NRXN3: variants seen among roughly 807,000 people sequenced by gnomAD.
NRXN3 encodes the protein neurexin III.
A neutral mutation model predicts 137.6 loss-of-function variants in NRXN3; 32 were observed. The ratio of observed to expected loss-of-function variants is 0.23; its 90% confidence interval spans 0.18 to 0.31. The LOEUF (loss-of-function observed/expected upper bound fraction) is 0.31, where lower values mean the gene tolerates loss of function less well. Ranked by LOEUF, NRXN3 falls within the 10% of genes least tolerant of loss-of-function variation. The pLI, the probability that NRXN3 is intolerant of heterozygous loss-of-function variation, is 1.00. For missense variants in NRXN3, 1,574 were observed against 2,062.5 expected, an observed-to-expected ratio of 0.76 and a Z score of 4.59; for synonymous variants, 798 against 784.5, an observed-to-expected ratio of 1.02 and a Z score of -0.29.
At chr14:78,371,834 AG>A (rs1567394108) in intron 4 of NRXN3, among the ~76,000 whole-genome samples, 1 of 152,264 alleles carries the variant, frequency 6.6e-6, no homozygotes, top group East Asian at 1.9e-4. Flanking sequence ...TATAGTGATA[AG>A]TATGCAGTAG....
chr14:79,158,552 T>C (rs900762263), intron 15 of NRXN3, among the ~76,000 whole-genome samples: 10 of 151,898 alleles, frequency 6.6e-5, no homozygotes, highest in African/African-American at 2.2e-4. Context: ...CCTTCTTTAC[T>C]ACCATCACTG....
At chr14:79,179,226 CA>C (rs762012702) in intron 15 of NRXN3, among the ~76,000 whole-genome samples, 1 of 152,084 alleles carries the variant, frequency 6.6e-6, no homozygotes, top group Non-Finnish European at 1.5e-5. Context: ...TAGACATATA[CA>C]AAGAGCAAGA....
At chr14:78,232,234 G>A (rs2065522784) in intron 1 of NRXN3, among the ~76,000 whole-genome samples, 1 of 152,220 alleles carries the variant, frequency 6.6e-6, no homozygotes, top group Admixed American at 6.5e-5. Context: ...CAGAGCCTTT[G>A]CCAGTTTGTT....
intron 1 of NRXN3, among the ~76,000 whole-genome samples, chr14:78,227,997 G>A (rs974379041): frequency 2.0e-5 from 3 of 152,138 alleles, no homozygotes; most frequent in Non-Finnish European, 2.9e-5. Context: ...TTCAGCGAAA[G>A]CAAGTCACAT....
chr14:78,502,651 G>C (rs1211428701), intron 4 of NRXN3, among the ~76,000 whole-genome samples: 1 of 152,094 alleles, frequency 6.6e-6, no homozygotes, highest in Non-Finnish European at 1.5e-5. Context: ...TTACTCTCTG[G>C]CTTGCAATCT....
chr14:78,658,286 C>G (rs1023510316), intron 6 of NRXN3, among the ~76,000 whole-genome samples: 1 of 152,124 alleles, frequency 6.6e-6, no homozygotes, highest in African/African-American at 2.4e-5. Context: ...TGGCTTTTAG[C>G]AAGCCGCATG....
intron 10 of NRXN3, among the ~76,000 whole-genome samples, chr14:78,905,775 A>T (rs189042047): frequency 2.0e-5 from 3 of 152,194 alleles, no homozygotes; most frequent in African/African-American, 7.2e-5. Flanking sequence ...TCCCAATTTG[A>T]AAGATAATCC....
intron 15 of NRXN3, among the ~76,000 whole-genome samples, chr14:79,453,433 A>G (rs558460473): frequency 6.6e-6 from 1 of 152,366 alleles, no homozygotes; most frequent in Non-Finnish European, 1.5e-5. Flanking sequence ...CATGCAGACT[A>G]TGTTTTTCTT....
At chr14:78,306,717 A>AT (rs1194235857) in intron 4 of NRXN3, among the ~76,000 whole-genome samples, 1 of 152,130 alleles carries the variant, frequency 6.6e-6, no homozygotes, top group Non-Finnish European at 1.5e-5. Context: ...AAAATAATAG[A>AT]TTCCAGGGTG....
rs971944018 is a variant in NRXN3 at position 79,317,843 on chromosome 14, C to T, written c.3263-149378C>T. Among the ~76,000 whole-genome samples, 16 of 152,122 alleles carry T rather than the reference C, an allele frequency of 1.1e-4. 1 individual carries two copies. The East Asian group carries it at 1.9e-3, about 18-fold the overall frequency. On this transcript the variant is annotated intron_variant, in intron 15 of 20. Coordinates refer to ENST00000335750, the MANE Select transcript of NRXN3 (RefSeq NM_001330195.2). ...GTATAAATATAATAATACATGTCTA[C>T]GTGTTAAAAATGAATGAAAATACCT... is the stretch of plus-strand genomic sequence containing the variant.
intron 15 of NRXN3, among the ~76,000 whole-genome samples, chr14:79,195,599 TTACTC>T (rs1213438956): frequency 3.3e-5 from 5 of 152,184 alleles, no homozygotes; most frequent in Non-Finnish European, 5.9e-5. Flanking sequence ...GACTCAGTCT[TTACTC>T]TTATTTAACT....
chr14:79,292,055 C>G (rs947204616), intron 15 of NRXN3, among the ~76,000 whole-genome samples: 3 of 152,172 alleles, frequency 2.0e-5, no homozygotes, highest in Non-Finnish European at 4.4e-5. Context: ...GCAACTCACT[C>G]TAGTTCTTCC....
At chr14:79,166,000 G>C (rs1444865455) in intron 15 of NRXN3, among the ~76,000 whole-genome samples, 4 of 151,942 alleles carry the variant, frequency 2.6e-5, no homozygotes, top group African/African-American at 4.8e-5. Context: ...TGGGGATCAG[G>C]AAGAGAATGT....
chr14:79,634,101 G>A (rs895316655), intron 16 of NRXN3, among the ~76,000 whole-genome samples: 3 of 152,150 alleles, frequency 2.0e-5, no homozygotes, highest in Non-Finnish European at 4.4e-5. Context: ...CACAAGAAAT[G>A]ATTTTTCTAC....
At chr14:78,492,298 A>G (rs1023561673) in intron 4 of NRXN3, among the ~76,000 whole-genome samples, 1 of 152,108 alleles carries the variant, frequency 6.6e-6, no homozygotes, top group Non-Finnish European at 1.5e-5. Flanking sequence ...TGAGAAGTGG[A>G]CTGCCAAAAT....
chr14:78,529,249 A>G (rs561303186), intron 4 of NRXN3, among the ~76,000 whole-genome samples: 1 of 152,292 alleles, frequency 6.6e-6, no homozygotes, highest in South Asian at 2.1e-4. Context: ...CAGCAGGTGG[A>G]ATTTAGATTC....
intron 10 of NRXN3, among the ~76,000 whole-genome samples, chr14:78,847,382 G>T (rs2099030136): frequency 6.6e-6 from 1 of 152,072 alleles, no homozygotes; most frequent in Admixed American, 6.6e-5. Flanking sequence ...ATTGCATCTT[G>T]CCCAGAATTT....
chr14:78,422,486 T>C (rs537971858), intron 4 of NRXN3, among the ~76,000 whole-genome samples: 1 of 152,258 alleles, frequency 6.6e-6, no homozygotes, highest in East Asian at 1.9e-4. Flanking sequence ...AGATCTAGTA[T>C]TTTGAGGTGG....
In NRXN3 at chr14:78,466,953, T is replaced by A. The variant is rs80183103; in HGVS notation, c.757+169093T>A. 4.8e-3 allele frequency among the ~76,000 whole-genome samples: 724 copies of A among 152,278 alleles called. 38 individuals carry two copies. In the East Asian group the frequency reaches 0.097, roughly 20 times the overall value. On this transcript the variant is annotated intron_variant, in intron 4 of 20. Transcript: ENST00000335750. ...CAATCCCCCATGACACAAGTTTACCTGTGTAACAAACCTGCACATGTACCC... is the reference window on the plus strand; with the variant it reads ...CAATCCCCCATGACACAAGTTTACCAGTGTAACAAACCTGCACATGTACCC...
Sources: gnomAD v4.1 joint callset for allele counts (sites outside exome capture counted in the v4.1 genomes callset) on GRCh38, gnomAD v4.1.1 for gene constraint, MANE v1.5 for transcripts, NCBI Gene and HGNC (gene_info 2026-07-23, HGNC 2026-07-21) for gene names.